Variants in SERPINI2 observed in about 807,000 individuals in gnomAD.
The protein encoded by SERPINI2 is serpin family I member 2.
In SERPINI2, 48 loss-of-function variants were observed where a neutral mutation model predicts 47.3. The observed-to-expected ratio is 1.02, with a 90% CI of 0.81 to 1.29. The LOEUF (loss-of-function observed/expected upper bound fraction) is 1.29, where lower values mean the gene tolerates loss of function less well. Among genes scored for constraint, SERPINI2 ranks in the 50% most tolerant of loss-of-function variants. The pLI is 0.00. For missense variants in SERPINI2, 448 were observed against 456.9 expected (o/e 0.98, Z 0.18); for synonymous variants, 135 against 149.3 (o/e 0.90, Z 0.70).
intron 1 of SERPINI2, among the ~76,000 whole-genome samples, chr3:167,473,004 C>G (rs1750380994): frequency 6.6e-6 from 1 of 151,610 alleles, no homozygotes; most frequent in South Asian, 2.1e-4. Flanking sequence ...TAGAGACTTA[C>G]ATTTCTAGAG....
At chr3:167,444,628 T>C (rs1482943787) in intron 8 of SERPINI2, among the ~76,000 whole-genome samples, 1 of 152,186 alleles carries the variant, frequency 6.6e-6, no homozygotes, top group Non-Finnish European at 1.5e-5. Flanking sequence ...AACGGCCCTT[T>C]CTACATTTTA....
chr3:167,471,943 T>C, intron 1 of SERPINI2, 99 bp from the exon 2 acceptor site: 4 of 799,642 alleles, frequency 5.0e-6, no homozygotes, highest in Non-Finnish European at 6.0e-6. Flanking sequence ...TCTATCTTAA[T>C]AGAACTTACT....
At chr3:167,460,057 G>A (rs760346739) in intron 5 of SERPINI2, among the ~76,000 whole-genome samples, 2 of 152,198 alleles carry the variant, frequency 1.3e-5, no homozygotes, top group African/African-American at 2.4e-5. Flanking sequence ...AGCATGTTGT[G>A]CTGACACCTT....
At chr3:167,452,719 C>T (rs996790864) in intron 6 of SERPINI2, among the ~76,000 whole-genome samples, 1 of 152,130 alleles carries the variant, frequency 6.6e-6, no homozygotes, top group Non-Finnish European at 1.5e-5. Flanking sequence ...AGCCAGAGTG[C>T]TTATCTAACA....
intron 1 of SERPINI2, 104 bp downstream of exon 1, chr3:167,473,899 C>T: frequency 8.5e-7 from 1 of 1,174,818 alleles, no homozygotes; most frequent in Non-Finnish European, 1.1e-6. Context: ...ATGATTTTTA[C>T]ACCAAAGTAA....
At chr3:167,461,993 C>T (rs1464983594) in intron 5 of SERPINI2, among the ~76,000 whole-genome samples, 1 of 152,038 alleles carries the variant, frequency 6.6e-6, no homozygotes, top group Non-Finnish European at 1.5e-5. Context: ...TCTCTTTATA[C>T]TGGGAAATGT....
exon 5 of SERPINI2, chr3:167,465,247 G>A (rs1750099814): frequency 6.2e-7 from 1 of 1,611,772 alleles, no homozygotes; most frequent in African/African-American, 1.3e-5. Flanking sequence ...GCATCTCAGA[G>A]AGCCATTTTA....
At chr3:167,474,982 T>A (rs1260030816), upstream of SERPINI2, among the ~76,000 whole-genome samples, 1 of 151,760 alleles carries the variant, frequency 6.6e-6, no homozygotes, top group Non-Finnish European at 1.5e-5. Flanking sequence ...TTAAATGGAA[T>A]TCATTTTTAA....
chr3:167,455,593 C>CAAAAAA (rs11407272), intron 5 of SERPINI2, among the ~76,000 whole-genome samples: 1 of 123,266 alleles, frequency 8.1e-6, no homozygotes, highest in African/African-American at 2.9e-5. Context: ...ATACGAGTCT[C>CAAAAAA]AAAAAAAAAA....
intron 8 of SERPINI2, among the ~76,000 whole-genome samples, chr3:167,444,950 A>G (rs987903379): frequency 4.6e-5 from 7 of 152,170 alleles, no homozygotes; most frequent in East Asian, 1.9e-4. Flanking sequence ...TTGATGCCCA[A>G]TGTAGCTTTT....
At chr3:167,465,018 T>C (rs2108168480) in intron 5 of SERPINI2, among the ~76,000 whole-genome samples, 188 bp downstream of exon 5, 1 of 152,356 alleles carries the variant, frequency 6.6e-6, no homozygotes, top group South Asian at 2.1e-4. Context: ...GTTCTTCTCA[T>C]GGTAAAGCAA....
At chr3:167,463,328 C>A (rs1449636506) in intron 5 of SERPINI2, among the ~76,000 whole-genome samples, 2 of 151,816 alleles carry the variant, frequency 1.3e-5, no homozygotes, top group Non-Finnish European at 2.9e-5. Context: ...AGAATAATAT[C>A]AAGTAGAGAT....
At chr3:167,449,295 G>A in intron 7 of SERPINI2, 21 bp downstream of exon 7, 1 of 1,545,748 alleles carries the variant, frequency 6.5e-7, no homozygotes, top group Non-Finnish European at 8.9e-7. Flanking sequence ...TTCTAGCTTG[G>A]CCAGAAATCA....
intron 5 of SERPINI2, among the ~76,000 whole-genome samples, chr3:167,458,739 G>T (rs1485691463): frequency 6.6e-6 from 1 of 152,100 alleles, no homozygotes; most frequent in Non-Finnish European, 1.5e-5. Context: ...AAACTAATAA[G>T]GCTGTGACCC....
intron 3 of SERPINI2, 97 bp downstream of exon 3, chr3:167,466,958 C>CTG (rs1750150600): frequency 1.4e-6 from 1 of 739,742 alleles, no homozygotes; most frequent in African/African-American, 1.8e-5. Flanking sequence ...CTGATCCATA[C>CTG]TGCAGTAGGA....
rs1750304274 is a variant in SERPINI2, at chr3:167,471,116, G to A, written c.247+472C>T. 2.0e-5 allele frequency among the ~76,000 whole-genome samples: 3 copies of A among 151,984 alleles called. No individual in the cohort carries two copies. The South Asian group carries it at 6.2e-4, about 31-fold the overall frequency. ...TGTTGGAAACAACCTACTGAAGAAAGGCTAAGTAAGTAATGGTACTTCTAT... is the reference window on the plus strand; with the variant it reads ...TGTTGGAAACAACCTACTGAAGAAAAGCTAAGTAAGTAATGGTACTTCTAT... On this transcript the variant is annotated intron_variant, in intron 2 of 8. Coordinates refer to ENST00000264677, the Ensembl canonical transcript of SERPINI2.
rs1366717767 is a variant in SERPINI2, at chr3:167,449,277, A to G, written c.1051+39T>C. ...GCACCATAATGTTCATCCTCTCCCCATGTTTCCTTCTAGCTTGGCCAGAAA... is the reference window on the plus strand; with the variant it reads ...GCACCATAATGTTCATCCTCTCCCCGTGTTTCCTTCTAGCTTGGCCAGAAA... On this transcript the variant is annotated intron_variant, in intron 7 of 8. Coordinates refer to ENST00000264677, the Ensembl canonical transcript of SERPINI2. 3 of 1,343,888 alleles carry G rather than the reference A, an allele frequency of 2.2e-6. No homozygotes were observed. The South Asian group carries it at 3.5e-5, about 16-fold the overall frequency. The allele number at this position is 1,343,888 out of a possible 1,614,324, so 83.2% of individuals were successfully genotyped here.
chr3:167,473,390 C>G (rs1750393056), intron 1 of SERPINI2, among the ~76,000 whole-genome samples: 1 of 151,546 alleles, frequency 6.6e-6, no homozygotes, highest in Non-Finnish European at 1.5e-5. Flanking sequence ...GTCTGTGTAT[C>G]ATTATCTTCT....
upstream of SERPINI2, among the ~76,000 whole-genome samples, chr3:167,475,418 A>C (rs1218598375): frequency 2.0e-5 from 3 of 151,700 alleles, no homozygotes; most frequent in Admixed American, 6.6e-5. Context: ...TCAGATCACA[A>C]TGTGATTTAT....
Sources: allele counts gnomAD v4.1 joint callset (sites outside exome capture counted in the v4.1 genomes callset), GRCh38; gene constraint gnomAD v4.1.1; transcripts MANE v1.5; gene names NCBI Gene and HGNC (gene_info 2026-07-23, HGNC 2026-07-21).